The following NXPE4 variants were observed in gnomAD, a reference collection of about 807,000 sequenced individuals.
NXPE4 encodes the protein NXPE family member 4.
In NXPE4, 42 loss-of-function variants were observed where a neutral mutation model predicts 33.3. The observed-to-expected ratio is 1.26, with a 90% CI of 0.98 to 1.63. NXPE4 has a LOEUF of 1.63. Among genes scored for constraint, NXPE4 ranks in the 40% most tolerant of loss-of-function variants. The pLI, the probability that NXPE4 is intolerant of heterozygous loss-of-function variation, is 0.00. For synonymous variants in NXPE4, 253 were observed against 234.9 expected, an observed-to-expected ratio of 1.08 and a Z score of -0.71; for missense variants, 709 against 647.6, an observed-to-expected ratio of 1.09 and a Z score of -1.03.
the NXPE4 span, among the ~76,000 whole-genome samples, chr11:114,646,834 A>G: frequency 6.6e-6 from 1 of 152,240 alleles, no homozygotes; most frequent in Non-Finnish European, 1.5e-5. Context: ...GCAGGACCAT[A>G]TGTGATTCTC....
At chr11:114,626,376 C>G in the NXPE4 span, among the ~76,000 whole-genome samples, 3 of 152,214 alleles carry the variant, frequency 2.0e-5, no homozygotes, top group East Asian at 5.8e-4. Flanking sequence ...CCCCTGACCC[C>G]CGAGCAGCCT....
At chr11:114,613,146 A>G in the NXPE4 span, among the ~76,000 whole-genome samples, 4 of 138,222 alleles carry the variant, frequency 2.9e-5, no homozygotes, top group African/African-American at 1.1e-4. Context: ...TGCCTCATAG[A>G]TAACGACTGT....
At chr11:114,620,857 T>A in the NXPE4 span, among the ~76,000 whole-genome samples, 1 of 152,088 alleles carries the variant, frequency 6.6e-6, no homozygotes, top group East Asian at 1.9e-4. Flanking sequence ...GGGTAACCAC[T>A]GTTACCCGAT....
At chr11:114,627,946 G>T in the NXPE4 span, among the ~76,000 whole-genome samples, 1 of 152,046 alleles carries the variant, frequency 6.6e-6, no homozygotes, top group African/African-American at 2.4e-5. Context: ...ATGGTAAAGG[G>T]ATCAACTCAA....
the NXPE4 span, among the ~76,000 whole-genome samples, chr11:114,659,141 G>A: frequency 2.6e-5 from 4 of 152,204 alleles, no homozygotes; most frequent in Non-Finnish European, 4.4e-5. Flanking sequence ...CTCAGGAGAA[G>A]ATGTGTACCC....
upstream of NXPE4, among the ~76,000 whole-genome samples, chr11:114,600,342 C>G (rs1054989336): frequency 6.6e-6 from 1 of 152,038 alleles, no homozygotes; most frequent in Non-Finnish European, 1.5e-5. Flanking sequence ...TAAAAGTCTT[C>G]TCAAATTGAA....
chr11:114,641,214 G>A, the NXPE4 span, among the ~76,000 whole-genome samples: 1 of 151,716 alleles, frequency 6.6e-6, no homozygotes, highest in East Asian at 1.9e-4. Context: ...ATAGAGTTGA[G>A]AAAACATGAA....
At chr11:114,585,500 G>A (rs182687735) in intron 2 of NXPE4, among the ~76,000 whole-genome samples, 1 of 151,934 alleles carries the variant, frequency 6.6e-6, no homozygotes, top group African/African-American at 2.4e-5. Context: ...CAGATAAATT[G>A]GATTTAAGTC....
chr11:114,625,638 C>T, the NXPE4 span, among the ~76,000 whole-genome samples: 10 of 152,170 alleles, frequency 6.6e-5, no homozygotes, highest in Middle Eastern at 3.4e-3. Flanking sequence ...TGCTGTTACC[C>T]GGTGGATAAT....
the NXPE4 span, among the ~76,000 whole-genome samples, chr11:114,635,670 C>A: frequency 1.4e-3 from 209 of 148,838 alleles, no homozygotes; most frequent in Middle Eastern, 3.4e-3. Flanking sequence ...AGTTTTTAGC[C>A]TGAAGTATTG....
chr11:114,630,169 C>G, the NXPE4 span, among the ~76,000 whole-genome samples: 3 of 151,872 alleles, frequency 2.0e-5, no homozygotes, highest in African/African-American at 7.3e-5. Context: ...TGGAAAAAAA[C>G]TACTTTAAAG....
the NXPE4 span, among the ~76,000 whole-genome samples, chr11:114,640,907 C>G: frequency 6.6e-6 from 1 of 151,860 alleles, no homozygotes; most frequent in Non-Finnish European, 1.5e-5. Flanking sequence ...TGTAGGTTTC[C>G]TGTTTTCTCT....
chr11:114,582,542 C>T lies in NXPE4; in HGVS notation c.576G>A (p.Trp192Ter), dbSNP rs1172261557. 2.5e-6 allele frequency: 4 copies of T among 1,614,152 alleles called. No homozygotes were observed. The highest frequency in any genetic ancestry group is 2.5e-6 in the Non-Finnish European group (3 of 1,180,010). The change falls in exon 3 of 6, where the codon TGG becomes TGA. Residue 192 changes from tryptophan (W) to a stop codon, truncating the protein, a stop_gained. Transcript: ENST00000375478. LOFTEE classifies it high-confidence loss of function. ...TGTCATAGCCTTGGTTCCTTGCACT[C>T]CAGAGAGCTGACACCCCTTCACTGG... ...IHPSEGVSALWSARNQGYDRV... is the reference protein window; with the variant it reads ...IHPSEGVSAL
At chr11:114,578,093 G>C (rs1360465333) in intron 5 of NXPE4, among the ~76,000 whole-genome samples, 2 of 152,122 alleles carry the variant, frequency 1.3e-5, no homozygotes, top group Admixed American at 6.5e-5. Context: ...TTTGTAGTTA[G>C]AACTTTTGAG....
upstream of NXPE4, among the ~76,000 whole-genome samples, chr11:114,596,107 C>T (rs151067797): frequency 6.6e-6 from 1 of 152,228 alleles, no homozygotes; most frequent in East Asian, 1.9e-4. Flanking sequence ...TTCCATCTAG[C>T]GTTATCATCA....
At chr11:114,645,697 TGAA>T in the NXPE4 span, among the ~76,000 whole-genome samples, 1 of 151,776 alleles carries the variant, frequency 6.6e-6, no homozygotes, top group Non-Finnish European at 1.5e-5. Flanking sequence ...AAAAGAAAAA[TGAA>T]GAAAAGACAT....
At position 114,571,230 on chromosome 11, in the gene NXPE4, A is replaced by G. The variant is rs1317620212; in HGVS notation, c.1343T>C (p.Ile448Thr). The G allele has an allele frequency of 3.7e-6, 6 of 1,613,956 alleles. No homozygotes were observed. The highest frequency in any genetic ancestry group is 5.1e-6 in the Non-Finnish European group (6 of 1,179,966). The stretch of plus-strand genomic sequence containing the variant: ...TTTGTGGACATTGAGGGCCCTTCGG[A>G]TAAAAACATCAATGGGAAAGGGTCT... ...HFRPFPIDVF[I>T]RRALNVHKAI... The change falls in exon 6 of 6, where the codon ATC becomes ACC. Residue 448 changes from isoleucine (I) to threonine (T), a missense_variant. Physicochemically the swap from Ile to Thr is moderately conservative, Grantham distance 89. Coordinates refer to ENST00000375478, the MANE Select transcript of NXPE4 (RefSeq NM_001077639.2).
At chr11:114,596,960 C>T (rs1210214693), upstream of NXPE4, among the ~76,000 whole-genome samples, 1 of 152,168 alleles carries the variant, frequency 6.6e-6, no homozygotes, top group Admixed American at 6.5e-5. Flanking sequence ...TGAAACAGGG[C>T]TGAATCCAAG....
chr11:114,632,172 A>G, the NXPE4 span, among the ~76,000 whole-genome samples: 3 of 141,198 alleles, frequency 2.1e-5, no homozygotes, highest in African/African-American at 5.1e-5. Flanking sequence ...TTTATCATAT[A>G]ATATATAATA....
Sources: allele counts gnomAD v4.1 joint callset (sites outside exome capture counted in the v4.1 genomes callset), GRCh38; gene constraint gnomAD v4.1.1; transcripts MANE v1.5; gene names NCBI Gene and HGNC (gene_info 2026-07-23, HGNC 2026-07-21).